Variants in INSIG2 observed in about 807,000 individuals in gnomAD.
INSIG2 encodes the protein insulin-induced gene 2 protein.
A neutral mutation model predicts 27.2 loss-of-function variants in INSIG2; 10 were observed. The ratio of observed to expected loss-of-function variants is 0.37; its 90% CI spans 0.23 to 0.62. The LOEUF is 0.62. Ranked by LOEUF, INSIG2 falls within the 20% of genes least tolerant of loss-of-function variation. The probability of loss-of-function intolerance (pLI) is 0.65; values close to 1 mark genes in which losing one functional copy is unlikely to be tolerated. For synonymous variants in INSIG2, 97 were observed against 95.8 expected (o/e 1.01, Z -0.07); for missense variants, 178 against 270.2 (o/e 0.66, Z 2.39).
chr2:118,103,362 G>A (rs780080180), intron 3 of INSIG2, 41 bp downstream of exon 3: 3 of 1,562,556 alleles, frequency 1.9e-6, no homozygotes, highest in South Asian at 1.2e-5. Flanking sequence ...TAACAAAGTG[G>A]CTTCCAACAA....
At chr2:118,094,233 AGATGAT>A (rs70949910) in intron 1 of INSIG2, among the ~76,000 whole-genome samples, 21 of 98,400 alleles carry the variant, frequency 2.1e-4, no homozygotes, top group Non-Finnish European at 2.3e-4. Flanking sequence ...AAAAGCAACC[AGATGAT>A]GATGATGATG....
chr2:118,098,769 A>C (rs1678471515), intron 2 of INSIG2, among the ~76,000 whole-genome samples: 1 of 152,244 alleles, frequency 6.6e-6, no homozygotes, highest in Admixed American at 6.5e-5. Context: ...ACCACAGTTC[A>C]GCCACTACTT....
intron 4 of INSIG2, 56 bp downstream of exon 4, chr2:118,106,959 C>A (rs1046475266): frequency 6.0e-5 from 94 of 1,576,816 alleles, no homozygotes; most frequent in Non-Finnish European, 7.6e-5. Flanking sequence ...TAAATGATAA[C>A]CGCTTTCAGA....
Position 118,107,132 on chromosome 2 carries a change from A to T in INSIG2, c.579A>T (p.Pro193=). The T allele has an allele frequency of 6.2e-7, 1 of 1,613,570 alleles. No individual in the cohort carries two copies. Among genetic ancestry groups the T allele is most frequent in the Non-Finnish European group, 8.5e-7 (1 of 1,179,582 alleles). ...PDFLYVRSWL[P]CIFFAGGITM... ...TCCTCTATGTTCGTTCTTGGTTACC[A>T]TGTATATTTTTTGCTGGAGGCATAA... is the stretch of plus-strand genomic sequence containing the variant. Residue 193 remains proline, a synonymous_variant, in exon 5 of 6, where the codon CCA becomes CCT. Transcript: ENST00000245787.
At chr2:118,104,521 A>T (rs76726777) in intron 3 of INSIG2, among the ~76,000 whole-genome samples, 4,044 of 152,276 alleles carry the variant, frequency 0.027, 128 homozygotes, top group African/African-American at 0.076. Flanking sequence ...TTTTATAAAA[A>T]ATCTAGTGGT....
rs1678590839 is a variant in INSIG2, at chr2:118,103,175, TTTTTTTC to T, written c.245-14_245-8del. 1 of 1,609,228 alleles carries T rather than the reference TTTTTTTC, an allele frequency of 6.2e-7. No homozygotes were observed. The highest frequency in any genetic ancestry group is 1.1e-5 in the South Asian group (1 of 90,718). Reference sequence around the variant, plus strand: ...CAGTACAACATTGGAGGTAACTTAATTTTTTTCTTTTTTCCCTACAGCTGTGATTGGG... The same window carrying T: ...CAGTACAACATTGGAGGTAACTTAATTTTTTTCCCTACAGCTGTGATTGGG... On this transcript the variant is annotated splice_polypyrimidine_tract_variant and intron_variant, in intron 2 of 5. Coordinates refer to ENST00000245787, the MANE Select transcript of INSIG2 (RefSeq NM_016133.4).
chr2:118,096,739 T>C lies in INSIG2; in HGVS notation c.183T>C (p.Asp61=). 6.2e-7 allele frequency: 1 copy of C among 1,614,092 alleles called. No homozygotes were observed. The highest frequency in any genetic ancestry group is 8.5e-7 in the Non-Finnish European group (1 of 1,179,982). ...GAAATGTGACGCTCTTTCCACCTGA[T>C]GTGATTGCAAGCATCTTTTCTTCTG... ...IQRNVTLFPP[D]VIASIFSSAW... Residue 61 remains aspartate, a synonymous_variant, in exon 2 of 6, where the codon GAT becomes GAC. Coordinates refer to ENST00000245787, the MANE Select transcript of INSIG2 (RefSeq NM_016133.4).
chr2:118,089,995 T>G (rs1186846977), intron 1 of INSIG2, among the ~76,000 whole-genome samples: 1 of 152,202 alleles, frequency 6.6e-6, no homozygotes, highest in Non-Finnish European at 1.5e-5. Context: ...AAGGCAAATA[T>G]TGCTTTTCTT....
At position 118,106,780 on chromosome 2, in the gene INSIG2, C is replaced by T; in HGVS notation, c.413C>T (p.Ala138Val). The T allele has an allele frequency of 6.2e-7, 1 of 1,614,080 alleles. No individual in the cohort carries two copies. The highest frequency in any genetic ancestry group is 8.5e-7 in the Non-Finnish European group (1 of 1,179,926). Residue 138 changes from alanine (A) to valine (V), a missense_variant, in exon 4 of 6, where the codon GCT becomes GTT. Ala to Val is a moderately conservative substitution (Grantham distance 64, BLOSUM62 0). Coordinates refer to ENST00000245787, the MANE Select transcript of INSIG2 (RefSeq NM_016133.4). ...AACATACAGTTGTCTCTCACACTGG[C>T]TGCACTATCCATTGGACTGTGGTGG... Reference protein sequence around the residue: ...DNNIQLSLTLAALSIGLWWTF... With the variant: ...DNNIQLSLTLVALSIGLWWTF...
chr2:118,104,837 A>G (rs928233470), intron 3 of INSIG2, among the ~76,000 whole-genome samples: 9 of 152,200 alleles, frequency 5.9e-5, no homozygotes, highest in Non-Finnish European at 8.8e-5. Context: ...TTTTAAGTAG[A>G]GAAATTTAAA....
chr2:118,107,525 G>C (rs764199919), intron 5 of INSIG2, among the ~76,000 whole-genome samples: 1 of 152,166 alleles, frequency 6.6e-6, no homozygotes, highest in African/African-American at 2.4e-5. Flanking sequence ...CTACTAATAA[G>C]TGTGTTGCTA....
At chr2:118,099,618 A>G (rs569788163) in intron 2 of INSIG2, among the ~76,000 whole-genome samples, 57 of 152,362 alleles carry the variant, frequency 3.7e-4, no homozygotes, top group African/African-American at 1.3e-3. Context: ...TCGTGTGGAT[A>G]AAATAAGTAG....
At position 118,093,810 on chromosome 2, in the gene INSIG2, G is replaced by T. The variant is rs1678328210; in HGVS notation, c.-138-2609G>T. ...GATGATGATGTTGATGATGATGAAG[G>T]AGAGTTCTGTAGCTACTGAACCTTG... On this transcript the variant is annotated intron_variant, in intron 1 of 5. Transcript: ENST00000245787. Among the ~76,000 whole-genome samples the T allele has an allele frequency of 2.8e-5, 3 of 108,068 alleles. 1 individual carries two copies. The highest frequency in any genetic ancestry group is 3.8e-5 in the Non-Finnish European group (2 of 52,338). 70.9% of individuals were successfully genotyped at this position (108,068 alleles called of 152,430 possible).
At chr2:118,098,594 GTGT>G (rs990906939) in intron 2 of INSIG2, among the ~76,000 whole-genome samples, 3 of 152,220 alleles carry the variant, frequency 2.0e-5, no homozygotes, top group African/African-American at 2.4e-5. Context: ...TCCCTGGCGT[GTGT>G]TGTGCATTTG....
At chr2:118,093,238 ATGATGATGAT>A in intron 1 of INSIG2, among the ~76,000 whole-genome samples, 1 of 74,936 alleles carries the variant, frequency 1.3e-5, no homozygotes, top group Non-Finnish European at 2.5e-5. Context: ...GATGATGATG[ATGATGATGAT>A]GGAGAGTTCT....
rs1313392075 is a variant in INSIG2 at position 118,109,398 on chromosome 2, G to A, written c.*1076G>A. 2 of 152,128 alleles carry A rather than the reference G, an allele frequency of 1.3e-5. No homozygotes were observed. Among genetic ancestry groups the A allele is most frequent in the African/African-American group, 4.8e-5 (2 of 41,420 alleles). The allele number at this position is 152,128 out of a possible 1,614,324, so 9.4% of individuals were successfully genotyped here. ...AATACATAATTTCTCATGTATTCGT[G>A]TATCCATTAGTGAATAGTTCAAGTC... is the stretch of plus-strand genomic sequence containing the variant. On this transcript the variant is annotated 3_prime_UTR_variant, in exon 6 of 6. Coordinates refer to ENST00000245787, the MANE Select transcript of INSIG2 (RefSeq NM_016133.4).
At chr2:118,096,345 A>G (rs1202185598) in intron 1 of INSIG2, 74 bp from the exon 2 acceptor site, 1 of 438,390 alleles carries the variant, frequency 2.3e-6, no homozygotes, top group Non-Finnish European at 4.0e-6. Flanking sequence ...TAAATTAACT[A>G]GTATTGAAAT....
At chr2:118,089,993 T>C (rs1402009100) in intron 1 of INSIG2, among the ~76,000 whole-genome samples, 1 of 152,202 alleles carries the variant, frequency 6.6e-6, no homozygotes, top group Non-Finnish European at 1.5e-5. Context: ...ATAAGGCAAA[T>C]ATTGCTTTTC....
At position 118,109,815 on chromosome 2, in the gene INSIG2, C is replaced by A. The variant is rs1276495181; in HGVS notation, c.*1493C>A. On this transcript the variant is annotated 3_prime_UTR_variant, in exon 6 of 6. Coordinates refer to ENST00000245787, the MANE Select transcript of INSIG2 (RefSeq NM_016133.4). ...GGATTTCATATTGAATATGTGTACA[C>A]AATCTTAACTATCGTGGTGGAAAAC... 1 of 152,212 alleles carries A rather than the reference C, an allele frequency of 6.6e-6. No homozygotes were observed. Among genetic ancestry groups the A allele is most frequent in the Non-Finnish European group, 1.5e-5 (1 of 67,994 alleles). 9.4% of individuals were successfully genotyped at this position (152,212 alleles called of 1,614,324 possible).
Sources: allele counts gnomAD v4.1 joint callset (sites outside exome capture counted in the v4.1 genomes callset), GRCh38; gene constraint gnomAD v4.1.1; transcripts MANE v1.5; gene names NCBI Gene and HGNC (gene_info 2026-07-23, HGNC 2026-07-21).